The following PFKM variants were observed in gnomAD, a reference collection of about 807,000 sequenced individuals.
PFKM encodes the protein phosphofructokinase, muscle.
Under a neutral mutation model 95.5 loss-of-function variants are expected in PFKM, and 58 were observed. The observed-to-expected ratio is 0.61, with a 90% CI of 0.49 to 0.76. PFKM has a LOEUF of 0.76. PFKM is among the 30% of genes least tolerant of loss of function. The pLI, the probability that PFKM is intolerant of heterozygous loss-of-function variation, is 0.00. For missense variants in PFKM, 678 were observed against 1,005.4 expected (o/e 0.67, Z 4.40); for synonymous variants, 336 against 357.2 (o/e 0.94, Z 0.67).
intron 14 of PFKM, 65 bp from the exon 15 acceptor site, chr12:48,141,246 A>G: frequency 1.4e-6 from 2 of 1,444,694 alleles, no homozygotes; most frequent in Non-Finnish European, 9.7e-7. Flanking sequence ...AAGCAGTGGC[A>G]CCAGTCCCAC....
At chr12:48,108,687 A>C (rs17614932) in intron 3 of PFKM, among the ~76,000 whole-genome samples, 6,700 of 152,322 alleles carry the variant, frequency 0.044, 217 homozygotes, top group Non-Finnish European at 0.068. Flanking sequence ...TTCACAGGCA[A>C]TTTATATGAA....
chr12:48,111,150 G>C (rs1450075259), intron 3 of PFKM, among the ~76,000 whole-genome samples: 1 of 152,200 alleles, frequency 6.6e-6, no homozygotes, highest in South Asian at 2.1e-4. Flanking sequence ...TAGGTAACTA[G>C]TGACTCTCAA....
At chr12:48,129,336 C>G (rs1233475783) in intron 2 of PFKM, among the ~76,000 whole-genome samples, 1 of 142,166 alleles carries the variant, frequency 7.0e-6, no homozygotes, top group Non-Finnish European at 1.5e-5. Flanking sequence ...ACTGAGATTA[C>G]AGGCATGAGC....
intron 1 of PFKM, 35 bp from the exon 2 acceptor site, chr12:48,122,732 G>T: frequency 6.2e-7 from 1 of 1,613,426 alleles, no homozygotes; most frequent in South Asian, 1.1e-5. Flanking sequence ...CTTGATTCCT[G>T]CTGTGTCTTA....
chr12:48,129,026 A>G (rs981861661), intron 2 of PFKM, among the ~76,000 whole-genome samples: 6 of 152,106 alleles, frequency 3.9e-5, no homozygotes, highest in Admixed American at 6.6e-5. Flanking sequence ...TGAAACACAC[A>G]TATGGGACAC....
At chr12:48,132,193 G>C (rs1949570163) in intron 4 of PFKM, 1 of 407,190 alleles carries the variant, frequency 2.5e-6, no homozygotes, top group East Asian at 7.2e-5. Context: ...GAAAACCTAA[G>C]TATACTTACC....
In PFKM at chr12:48,144,038, C is replaced by T. The variant is rs779486479; in HGVS notation, c.1881-8C>T. The stretch of plus-strand genomic sequence containing the variant: ...CAGAGTCACAGGCTTTTGGTCTCCA[C>T]CTGGCAGGAATGAAAAGTGCAATGA... On this transcript the variant is annotated splice_polypyrimidine_tract_variant and splice_region_variant and intron_variant, in intron 19 of 22. Transcript: ENST00000359794. 20 of 1,596,556 alleles carry T rather than the reference C, an allele frequency of 1.3e-5. No individual in the cohort carries two copies. The South Asian group carries it at 2.0e-4, about 16-fold the overall frequency.
At chr12:48,137,105 A>G (rs1336070074) in intron 10 of PFKM, among the ~76,000 whole-genome samples, 1 of 146,718 alleles carries the variant, frequency 6.8e-6, no homozygotes, top group African/African-American at 2.5e-5. Context: ...TCTATCACCC[A>G]GGCTAGAGTG....
At chr12:48,106,689 G>C (rs933093684) in intron 1 of PFKM, among the ~76,000 whole-genome samples, 2 of 136,208 alleles carry the variant, frequency 1.5e-5, no homozygotes, top group Admixed American at 1.5e-4. Context: ...CCTCATACTT[G>C]ATTGACCATT....
In PFKM at chr12:48,122,813, G is replaced by T. The variant is rs1231483598; in HGVS notation, c.39G>T (p.Gly13=). ...AGCACCATGCAGCCAAAACCCTGGG[G>T]ATTGGCAAAGCCATTGCTGTCTTAA... is the stretch of plus-strand genomic sequence containing the variant. ...HEEHHAAKTL[G]IGKAIAVLTS... Residue 13 remains glycine (G), a synonymous_variant, in exon 2 of 23, where the codon GGG becomes GGT. Transcript: ENST00000359794. 6.2e-7 allele frequency: 1 copy of T among 1,614,102 alleles called. No individual in the cohort carries two copies. The highest frequency in any genetic ancestry group is 8.5e-7 in the Non-Finnish European group (1 of 1,179,952).
At chr12:48,108,245 T>G in intron 3 of PFKM, 1 of 1,565,732 alleles carries the variant, frequency 6.4e-7, no homozygotes, top group Non-Finnish European at 8.6e-7. Context: ...TATGGGAAAG[T>G]GAAAGTTGTA....
chr12:48,133,112 T>G, intron 5 of PFKM, 55 bp downstream of exon 5: 1 of 1,503,204 alleles, frequency 6.7e-7, no homozygotes, highest in Non-Finnish European at 9.3e-7. Flanking sequence ...TGCACGCGTG[T>G]ACACACACAC....
At chr12:48,136,139 G>A (rs1950069395) in intron 10 of PFKM, among the ~76,000 whole-genome samples, 1 of 152,046 alleles carries the variant, frequency 6.6e-6, no homozygotes, top group Non-Finnish European at 1.5e-5. Context: ...CACCCGCCTC[G>A]GCCTCCCAAA....
intron 18 of PFKM, 101 bp from the exon 19 acceptor site, chr12:48,143,652 C>G (rs756045482): frequency 2.3e-6 from 2 of 863,642 alleles, no homozygotes; most frequent in Admixed American, 1.7e-5. Flanking sequence ...AACTCTCTTC[C>G]ATGTGTCTCT....
chr12:48,129,381 C>T (rs570015720), intron 2 of PFKM, among the ~76,000 whole-genome samples: 23 of 151,702 alleles, frequency 1.5e-4, no homozygotes, highest in South Asian at 1.5e-3. Context: ...GTTTTTCTTC[C>T]AGTAGAAGCA....
At chr12:48,140,069 C>T (rs1263811437) in intron 13 of PFKM, among the ~76,000 whole-genome samples, 157 bp downstream of exon 13, 2 of 152,198 alleles carry the variant, frequency 1.3e-5, no homozygotes, top group African/African-American at 4.8e-5. Context: ...ATAATGATTT[C>T]CTCTTAACCA....
Position 48,134,843 on chromosome 12 carries a change from A to C in PFKM, c.747+14A>C. 6.2e-7 allele frequency: 1 copy of C among 1,607,836 alleles called. No individual in the cohort carries two copies. Among genetic ancestry groups the C allele is most frequent in the Non-Finnish European group, 8.5e-7 (1 of 1,174,542 alleles). ...CGACTCAGCGAGGTACTTGCACTTT[A>C]TTTTGCCCTTAAGAAATCCCTCACC... On this transcript the variant is annotated intron_variant, in intron 8 of 22. Coordinates refer to ENST00000359794, the MANE Select transcript of PFKM (RefSeq NM_000289.6).
chr12:48,126,524 T>C (rs1283204983), intron 2 of PFKM, among the ~76,000 whole-genome samples: 3 of 152,196 alleles, frequency 2.0e-5, no homozygotes, highest in Non-Finnish European at 2.9e-5. Context: ...TTTTTTTGTA[T>C]GCCCAACAGA....
In PFKM at chr12:48,134,817, C is replaced by T. The variant is rs2135916916; in HGVS notation, c.735C>T (p.Arg245=). 4 of 1,613,462 alleles carry T rather than the reference C, an allele frequency of 2.5e-6. No homozygotes were observed. In the South Asian group the frequency reaches 3.3e-5, roughly 13 times the overall value. The part of the protein sequence containing the change: ...PDDDWEEHLC[R]RLSETRTRGS... Reference sequence around the variant, plus strand: ...ACGACTGGGAGGAACACCTTTGTCGCCGACTCAGCGAGGTACTTGCACTTT... The same window carrying T: ...ACGACTGGGAGGAACACCTTTGTCGTCGACTCAGCGAGGTACTTGCACTTT... The change falls in exon 8 of 23, where the codon CGC becomes CGT. Residue 245 remains arginine, a synonymous_variant. Coordinates refer to ENST00000359794, the MANE Select transcript of PFKM (RefSeq NM_000289.6).
Sources: allele counts gnomAD v4.1 joint callset (sites outside exome capture counted in the v4.1 genomes callset), GRCh38; gene constraint gnomAD v4.1.1; transcripts MANE v1.5; gene names NCBI Gene and HGNC (gene_info 2026-07-23, HGNC 2026-07-21).